Variants in PRIMA1 observed in about 807,000 individuals in gnomAD.
PRIMA1 encodes the protein proline rich membrane anchor 1, also known as proline-rich membrane anchor 1.
In PRIMA1, 7 loss-of-function variants were observed where a neutral mutation model predicts 17.5. The observed-to-expected ratio is 0.40, with a 90% CI of 0.23 to 0.75. The LOEUF (loss-of-function observed/expected upper bound fraction) is 0.75. PRIMA1 is among the 30% of genes least tolerant of loss of function. The pLI, the probability that PRIMA1 is intolerant of heterozygous loss-of-function variation, is 0.37. For missense variants in PRIMA1, 200 were observed against 201.8 expected, an observed-to-expected ratio of 0.99 and a Z score of 0.05; for synonymous variants, 97 against 77.9, an observed-to-expected ratio of 1.25 and a Z score of -1.29.
At chr14:93,753,379 G>GC (rs1303251035) in intron 3 of PRIMA1, among the ~76,000 whole-genome samples, 2 of 152,170 alleles carry the variant, frequency 1.3e-5, no homozygotes, top group African/African-American at 4.8e-5. Context: ...ATGGGCCTTT[G>GC]CCACCCACGG....
chr14:93,733,939 C>T (rs908602052), intron 4 of PRIMA1, among the ~76,000 whole-genome samples: 1 of 152,192 alleles, frequency 6.6e-6, no homozygotes, highest in African/African-American at 2.4e-5. Flanking sequence ...GGCGGGGTTG[C>T]AGCTTCTGCT....
chr14:93,766,424 A>G (rs1884893965), intron 3 of PRIMA1, among the ~76,000 whole-genome samples: 1 of 152,150 alleles, frequency 6.6e-6, no homozygotes, highest in Non-Finnish European at 1.5e-5. Context: ...TTGGATGACA[A>G]GAAGCCAGCC....
In PRIMA1 at chr14:93,718,514, G is replaced by A. The variant is rs2076017622; in HGVS notation, c.*2930C>T. ...AGCAACTGTCCTCTCTCCAGTACAC[G>A]CGGCACGTTGCTAAGAAGGCAGATT... On this transcript the variant is annotated 3_prime_UTR_variant, in exon 5 of 5. Transcript: ENST00000393140. 6.6e-6 allele frequency: 1 copy of A among 152,568 alleles called. No homozygotes were observed. Among genetic ancestry groups the A allele is most frequent in the South Asian group, 2.1e-4 (1 of 4,812 alleles). The allele number at this position is 152,568 out of a possible 1,614,324, so 9.5% of individuals were successfully genotyped here.
intron 3 of PRIMA1, among the ~76,000 whole-genome samples, chr14:93,751,002 C>T (rs1452654723): frequency 6.6e-6 from 1 of 152,200 alleles, no homozygotes; most frequent in East Asian, 1.9e-4. Context: ...CCAGACAAAG[C>T]ACTTACATTT....
intron 3 of PRIMA1, among the ~76,000 whole-genome samples, chr14:93,777,844 C>T (rs1885265773): frequency 6.6e-6 from 1 of 152,180 alleles, no homozygotes; most frequent in Non-Finnish European, 1.5e-5. Context: ...CACAGATGCT[C>T]AGTGAGCACA....
chr14:93,772,441 G>C (rs1476691390), intron 3 of PRIMA1, among the ~76,000 whole-genome samples: 1 of 152,256 alleles, frequency 6.6e-6, no homozygotes, highest in African/African-American at 2.4e-5. Flanking sequence ...TCTCACAGAG[G>C]GCGTGTGTGT....
chr14:93,787,754 C>T lies in PRIMA1; in HGVS notation c.-31-5G>A, dbSNP rs1338967621. 1 of 1,538,410 alleles carries T rather than the reference C, an allele frequency of 6.5e-7. No individual in the cohort carries two copies. Among genetic ancestry groups the T allele is most frequent in the Admixed American group, 2.0e-5 (1 of 50,894 alleles). The stretch of plus-strand genomic sequence containing the variant: ...GGCGCCCGCTCCTGGGGCGAACTGT[C>T]AGGAGAGCAAGGCTAGGGTCAGGCG... On this transcript the variant is annotated splice_polypyrimidine_tract_variant and splice_region_variant and intron_variant, in intron 1 of 4. Coordinates refer to ENST00000393140, the MANE Select transcript of PRIMA1 (RefSeq NM_178013.4).
Position 93,721,403 on chromosome 14 carries a change from C to A in PRIMA1, c.*41G>T. ...TGCTTTCCCATGTCCACCAGTGCCA[C>A]CAAGGTGTCCCTCTGGCCAGCGGGT... On this transcript the variant is annotated 3_prime_UTR_variant, in exon 5 of 5. Coordinates refer to ENST00000393140, the MANE Select transcript of PRIMA1 (RefSeq NM_178013.4). 7.3e-7 allele frequency: 1 copy of A among 1,364,020 alleles called. No homozygotes were observed. Among genetic ancestry groups the A allele is most frequent in the Non-Finnish European group, 1.0e-6 (1 of 955,462 alleles). 84.5% of individuals were successfully genotyped at this position (1,364,020 alleles called of 1,614,324 possible).
At chr14:93,786,155 G>A (rs75744899) in intron 2 of PRIMA1, among the ~76,000 whole-genome samples, 4,035 of 152,236 alleles carry the variant, frequency 0.027, 197 homozygotes, top group African/African-American at 0.093. Flanking sequence ...ATCTAAAAAC[G>A]AAGTGAACTC....
intron 3 of PRIMA1, among the ~76,000 whole-genome samples, chr14:93,741,325 G>A (rs1276565326): frequency 6.6e-6 from 1 of 152,230 alleles, no homozygotes; most frequent in African/African-American, 2.4e-5. Context: ...GGCCGGGGTT[G>A]GGACCCTGAT....
In PRIMA1 at chr14:93,721,369, A is replaced by G; in HGVS notation, c.*75T>C. On this transcript the variant is annotated 3_prime_UTR_variant, in exon 5 of 5. Coordinates refer to ENST00000393140, the MANE Select transcript of PRIMA1 (RefSeq NM_178013.4). Reference sequence around the variant, plus strand: ...TCCTGGACAAGCTCAGGGTTAGCTCATGTCCACCTGCTTTCCCATGTCCAC... The same window carrying G: ...TCCTGGACAAGCTCAGGGTTAGCTCGTGTCCACCTGCTTTCCCATGTCCAC... 1.1e-6 allele frequency: 1 copy of G among 940,666 alleles called. No homozygotes were observed. The highest frequency in any genetic ancestry group is 1.7e-6 in the Non-Finnish European group (1 of 585,744). The allele number at this position is 940,666 out of a possible 1,614,324, so 58.3% of individuals were successfully genotyped here. A position where few individuals can be genotyped will look rare whatever the true frequency, so the allele number is the denominator to read the frequency against.
intron 4 of PRIMA1, among the ~76,000 whole-genome samples, chr14:93,729,719 C>T (rs531398451): frequency 4.6e-5 from 7 of 152,240 alleles, no homozygotes; most frequent in Admixed American, 2.6e-4. Context: ...GTGTGTCCTG[C>T]GGGGAGGAAG....
At chr14:93,787,832 G>A in intron 1 of PRIMA1, 83 bp from the exon 2 acceptor site, 2 of 1,455,504 alleles carry the variant, frequency 1.4e-6, no homozygotes, top group South Asian at 2.8e-5. Context: ...CCCAGCCCGG[G>A]TCGGACGGGC....
At chr14:93,758,600 A>G (rs1388168777) in intron 3 of PRIMA1, among the ~76,000 whole-genome samples, 9 of 150,346 alleles carry the variant, frequency 6.0e-5, no homozygotes, top group Non-Finnish European at 1.2e-4. Context: ...CTCTCAAAAA[A>G]AAAAAAAAAA....
intron 3 of PRIMA1, among the ~76,000 whole-genome samples, chr14:93,747,694 G>A (rs1462396429): frequency 6.6e-6 from 1 of 151,580 alleles, no homozygotes; most frequent in African/African-American, 2.4e-5. Context: ...ACATGGGAGT[G>A]CATATGAGTG....
At chr14:93,779,356 A>G in intron 2 of PRIMA1, 45 bp from the exon 3 acceptor site, 1 of 1,499,722 alleles carries the variant, frequency 6.7e-7, no homozygotes, top group Non-Finnish European at 8.8e-7. Flanking sequence ...GAAGACCATA[A>G]GGCAACTAGA....
intron 3 of PRIMA1, among the ~76,000 whole-genome samples, chr14:93,775,454 T>G (rs1425302213): frequency 6.6e-6 from 1 of 152,238 alleles, no homozygotes; most frequent in Non-Finnish European, 1.5e-5. Context: ...CCTTCAGGGT[T>G]ATATAGCAGG....
upstream of PRIMA1, chr14:93,788,589 G>C (rs539752277): frequency 6.6e-6 from 1 of 152,424 alleles, no homozygotes; most frequent in East Asian, 1.9e-4. Flanking sequence ...GGGCGCCCGG[G>C]GGCTTCACAT....
intron 3 of PRIMA1, among the ~76,000 whole-genome samples, chr14:93,752,353 C>A (rs991150079): frequency 6.6e-6 from 1 of 152,024 alleles, no homozygotes; most frequent in African/African-American, 2.4e-5. Flanking sequence ...AGGAGGGAGA[C>A]CCCCCCGCCC....
Sources: gnomAD v4.1 joint callset for allele counts (sites outside exome capture counted in the v4.1 genomes callset) on GRCh38, gnomAD v4.1.1 for gene constraint, MANE v1.5 for transcripts, NCBI Gene and HGNC (gene_info 2026-07-23, HGNC 2026-07-21) for gene names.